CPPED1: variants seen among roughly 807,000 people sequenced by gnomAD.
CPPED1 encodes the protein calcineurin like phosphoesterase domain containing 1.
A neutral mutation model predicts 28.0 loss-of-function variants in CPPED1; 28 were observed. That is an observed-to-expected ratio of 1.00 (90% CI 0.74 to 1.37). The LOEUF is 1.37. CPPED1 is among the 40% of genes most tolerant of loss of function. The pLI is 0.00. For missense variants in CPPED1, 504 were observed against 416.5 expected (o/e 1.21, Z -1.83); for synonymous variants, 198 against 180.2 (o/e 1.10, Z -0.79).
At chr16:12,751,280 A>G (rs1228861639) in intron 2 of CPPED1, among the ~76,000 whole-genome samples, 1 of 152,208 alleles carries the variant, frequency 6.6e-6, no homozygotes, top group African/African-American at 2.4e-5. Flanking sequence ...GAGTGTTCTT[A>G]AGGAAATTAA....
chr16:12,678,168 T>G (rs1461478752), intron 3 of CPPED1, among the ~76,000 whole-genome samples: 2 of 152,078 alleles, frequency 1.3e-5, no homozygotes, highest in Non-Finnish European at 2.9e-5. Flanking sequence ...AAGGAAAGAG[T>G]AATTTGTAGT....
At chr16:12,780,471 C>T (rs1422254688) in intron 2 of CPPED1, among the ~76,000 whole-genome samples, 8 of 152,028 alleles carry the variant, frequency 5.3e-5, no homozygotes, top group East Asian at 1.9e-4. Context: ...CCACTGCACC[C>T]GGCCAGCCTG....
chr16:12,740,084 A>AAAGGAAAGG (rs1186527572), intron 2 of CPPED1, among the ~76,000 whole-genome samples: 6,329 of 151,030 alleles, frequency 0.042, 453 homozygotes, highest in African/African-American at 0.14. Context: ...GAAAGGAAAG[A>AAAGGAAAGG]AAGGAAAGGA....
At chr16:12,672,056 C>T (rs1362443179) in intron 3 of CPPED1, among the ~76,000 whole-genome samples, 1 of 152,220 alleles carries the variant, frequency 6.6e-6, no homozygotes, top group African/African-American at 2.4e-5. Context: ...GTCTAGGAGC[C>T]ATGGGCTATA....
At chr16:12,705,707 A>G (rs2141187778) in intron 2 of CPPED1, among the ~76,000 whole-genome samples, 1 of 152,298 alleles carries the variant, frequency 6.6e-6, no homozygotes, top group South Asian at 2.1e-4. Context: ...GCAGTAAGCC[A>G]AGATCACGCC....
intron 2 of CPPED1, among the ~76,000 whole-genome samples, chr16:12,740,811 A>C (rs1180325287): frequency 6.6e-6 from 1 of 152,150 alleles, no homozygotes; most frequent in African/African-American, 2.4e-5. Flanking sequence ...GAGTGTGAGA[A>C]TCTGTCAGAA....
chr16:12,761,392 G>C (rs1284310120), intron 2 of CPPED1, among the ~76,000 whole-genome samples: 2 of 152,156 alleles, frequency 1.3e-5, no homozygotes, highest in African/African-American at 2.4e-5. Flanking sequence ...GCTGGGCGGT[G>C]CTGGGCAAGT....
intron 3 of CPPED1, among the ~76,000 whole-genome samples, chr16:12,704,245 C>T (rs367757663): frequency 6.6e-6 from 1 of 152,168 alleles, no homozygotes; most frequent in Non-Finnish European, 1.5e-5. Flanking sequence ...CACCCACCTG[C>T]ACTACCCAGT....
chr16:12,722,894 CAGT>C (rs1352957949), intron 2 of CPPED1, among the ~76,000 whole-genome samples: 1 of 152,112 alleles, frequency 6.6e-6, no homozygotes, highest in Non-Finnish European at 1.5e-5. Flanking sequence ...TAAAGATGCT[CAGT>C]AGATGTGTGT....
At chr16:12,756,590 C>T (rs997996932) in intron 2 of CPPED1, among the ~76,000 whole-genome samples, 5 of 152,024 alleles carry the variant, frequency 3.3e-5, no homozygotes, top group South Asian at 4.1e-4. Flanking sequence ...ACCTGTCATC[C>T]CAGTTACTTG....
At chr16:12,776,852 G>A (rs561973644) in intron 2 of CPPED1, among the ~76,000 whole-genome samples, 1 of 152,262 alleles carries the variant, frequency 6.6e-6, no homozygotes, top group South Asian at 2.1e-4. Flanking sequence ...CCAGGAGGCG[G>A]AGGTTGCAAT....
At chr16:12,700,841 A>G (rs1240515932) in intron 3 of CPPED1, among the ~76,000 whole-genome samples, 3 of 152,194 alleles carry the variant, frequency 2.0e-5, no homozygotes, top group Non-Finnish European at 4.4e-5. Flanking sequence ...AGACAAGTCA[A>G]CACTTGCAAA....
At chr16:12,732,837 T>G (rs1405733029) in intron 2 of CPPED1, among the ~76,000 whole-genome samples, 1 of 152,188 alleles carries the variant, frequency 6.6e-6, no homozygotes, top group Non-Finnish European at 1.5e-5. Flanking sequence ...GAAGACATTT[T>G]TGGTGCAATT....
intron 3 of CPPED1, among the ~76,000 whole-genome samples, chr16:12,696,541 A>T (rs762192800): frequency 6.7e-6 from 1 of 149,980 alleles, no homozygotes; most frequent in Non-Finnish European, 1.5e-5. Flanking sequence ...TCCCAGGTTC[A>T]AGTGATTCTC....
In CPPED1 at chr16:12,691,310, T is replaced by C. The variant is rs151303419; in HGVS notation, c.715+13314A>G. Among the ~76,000 whole-genome samples the C allele has an allele frequency of 2.3e-3, 343 of 152,338 alleles. 2 individuals are homozygous for C. Among genetic ancestry groups the C allele is most frequent in the African/African-American group, 7.9e-3 (327 of 41,562 alleles). ...CTTTCTTTCTTTTTTTGAGACGTAG[T>C]CTCACTCTGTCACCCAGGCTAGTGG... On this transcript the variant is annotated intron_variant, in intron 3 of 3. Transcript: ENST00000381774.
intron 2 of CPPED1, among the ~76,000 whole-genome samples, chr16:12,740,320 C>T (rs2080248574): frequency 6.6e-6 from 1 of 151,874 alleles, no homozygotes; most frequent in African/African-American, 2.4e-5. Flanking sequence ...CGGCAGGCAC[C>T]TGTAGTCCCA....
chr16:12,679,265 C>G (rs149717712), intron 3 of CPPED1, among the ~76,000 whole-genome samples: 1 of 152,138 alleles, frequency 6.6e-6, no homozygotes, highest in Non-Finnish European at 1.5e-5. Context: ...TATGGTTGGA[C>G]GTGTGTGTAA....
intron 2 of CPPED1, among the ~76,000 whole-genome samples, chr16:12,773,494 A>G (rs35196177): frequency 0.22 from 33,421 of 152,094 alleles, 4,176 homozygotes; most frequent in East Asian, 0.3. Flanking sequence ...AGGACGAGGC[A>G]AGCAGATCAC....
Position 12,663,743 on chromosome 16 carries a change from T to C in CPPED1, c.*1143A>G, listed in dbSNP as rs897670618. 1 of 152,238 alleles carries C rather than the reference T, an allele frequency of 6.6e-6. No individual in the cohort carries two copies. Among genetic ancestry groups the C allele is most frequent in the Non-Finnish European group, 1.5e-5 (1 of 68,044 alleles). The allele number at this position is 152,238 out of a possible 1,614,324, so 9.4% of individuals were successfully genotyped here. ...AGGATTACTGAGTGCTGTTTCATAA[T>C]GCTGTATATTTTTCCTGCCAGGATT... On this transcript the variant is annotated 3_prime_UTR_variant, in exon 4 of 4. Coordinates refer to ENST00000381774, the MANE Select transcript of CPPED1 (RefSeq NM_018340.3).
Sources: gnomAD v4.1 joint callset for allele counts (sites outside exome capture counted in the v4.1 genomes callset) on GRCh38, gnomAD v4.1.1 for gene constraint, MANE v1.5 for transcripts, NCBI Gene and HGNC (gene_info 2026-07-23, HGNC 2026-07-21) for gene names.